Variants in HSPA4L observed in about 807,000 individuals in gnomAD.
HSPA4L encodes the protein heat shock protein family A (Hsp70) member 4 like.
In HSPA4L, 48 loss-of-function variants were observed where a neutral mutation model predicts 100.3. That is an observed-to-expected ratio of 0.48 (90% CI 0.38 to 0.61). HSPA4L has a LOEUF of 0.61. Ranked by LOEUF, HSPA4L falls within the 20% of genes least tolerant of loss-of-function variation. The pLI is 0.00. For synonymous variants in HSPA4L, 319 were observed against 328.2 expected (o/e 0.97, Z 0.30); for missense variants, 886 against 988.6 (o/e 0.90, Z 1.39).
In HSPA4L at chr4:127,790,714, T is replaced by C. The variant is rs1732850641; in HGVS notation, c.108-3363T>C. ...CCCAAACCTATCTTTCTTAGAAAAT[T>C]TTCTGTCTCATTGAGTGCAACTAGA... On this transcript the variant is annotated intron_variant, in intron 1 of 18. Transcript: ENST00000296464. Among the ~76,000 whole-genome samples the C allele has an allele frequency of 2.6e-5, 4 of 152,232 alleles. No individual in the cohort carries two copies. The South Asian group carries it at 8.3e-4, about 31-fold the overall frequency.
chr4:127,825,362 T>A (rs1033424638), intron 16 of HSPA4L, among the ~76,000 whole-genome samples: 18 of 152,110 alleles, frequency 1.2e-4, no homozygotes, highest in African/African-American at 4.3e-4. Flanking sequence ...AGCAAGGGAT[T>A]ATATAGATGC....
rs1254763117 is a variant in HSPA4L at position 127,803,883 on chromosome 4, A to G, written c.908+10A>G. The G allele has an allele frequency of 1.9e-6, 3 of 1,611,454 alleles. No individual in the cohort carries two copies. ...CTAGTAAAATGAACAGGTACCACGT[A>G]TGTTTTTAGTTTGAAAAGTGTTTAC... On this transcript the variant is annotated intron_variant, in intron 7 of 18. Coordinates refer to ENST00000296464, the MANE Select transcript of HSPA4L (RefSeq NM_014278.4).
chr4:127,796,033 T>C, intron 3 of HSPA4L, 125 bp downstream of exon 3: 2 of 749,800 alleles, frequency 2.7e-6, no homozygotes, highest in Non-Finnish European at 4.1e-6. Flanking sequence ...GAAGAGATAG[T>C]AGTTTTTGTA....
intron 13 of HSPA4L, among the ~76,000 whole-genome samples, chr4:127,819,944 C>T (rs537981967): frequency 4.6e-5 from 7 of 151,894 alleles, no homozygotes; most frequent in Middle Eastern, 6.8e-3. Flanking sequence ...ATAAGTTTTG[C>T]GGGGGTGTGT....
At position 127,806,979 on chromosome 4, in the gene HSPA4L, C is replaced by A. The variant is rs189155524; in HGVS notation, c.1245-1017C>A. ...GCCCCAGATAATGTCAATTTTGAGG[C>A]AAGAATCATTATTCTATAAAATTTA... On this transcript the variant is annotated intron_variant, in intron 10 of 18. Coordinates refer to ENST00000296464, the MANE Select transcript of HSPA4L (RefSeq NM_014278.4). Among the ~76,000 whole-genome samples the A allele has an allele frequency of 3.3e-5, 5 of 151,656 alleles. No individual in the cohort carries two copies. In the East Asian group the frequency reaches 9.6e-4, roughly 29 times the overall value.
intron 18 of HSPA4L, among the ~76,000 whole-genome samples, chr4:127,832,417 T>A (rs2148802414): frequency 6.6e-6 from 1 of 152,284 alleles, no homozygotes; most frequent in Non-Finnish European, 1.5e-5. Flanking sequence ...TAAACTGTAT[T>A]TGATTATAAA....
At chr4:127,795,711 G>T in intron 2 of HSPA4L, 57 bp from the exon 3 acceptor site, 1 of 1,566,810 alleles carries the variant, frequency 6.4e-7, no homozygotes, top group East Asian at 2.3e-5. Flanking sequence ...TACTAGGATA[G>T]AATTTTATTT....
chr4:127,781,838 G>T (rs916177542), upstream of HSPA4L: 17 of 268,686 alleles, frequency 6.3e-5, no homozygotes, highest in Non-Finnish European at 1.1e-4. Context: ...CCTCGGGGAG[G>T]CGAGGCCTGC....
At chr4:127,827,662 A>T (rs1171793741) in intron 17 of HSPA4L, among the ~76,000 whole-genome samples, 1 of 152,126 alleles carries the variant, frequency 6.6e-6, no homozygotes, top group African/African-American at 2.4e-5. Context: ...CTGAAACTAC[A>T]TTATAAAATA....
intron 17 of HSPA4L, among the ~76,000 whole-genome samples, 196 bp from the exon 18 acceptor site, chr4:127,830,442 C>CT (rs1028827624): frequency 1.3e-5 from 2 of 152,198 alleles, no homozygotes; most frequent in Admixed American, 6.5e-5. Flanking sequence ...AGAGCCTTTC[C>CT]TTTTTAAACT....
At position 127,811,554 on chromosome 4, in the gene HSPA4L, A is replaced by T; in HGVS notation, c.1496A>T (p.Glu499Val). The stretch of plus-strand genomic sequence containing the variant: ...AGTGTGGCTAGCGCATCAGTAATTG[A>T]GAAGCAAAATTTGGAAGGCGATCAC... ...IFSVASASVI[E>V]KQNLEGDHSD... Residue 499 changes from glutamate to valine, a missense_variant, in exon 12 of 19, where the codon GAG becomes GTG. Physicochemically the swap from Glu to Val is moderately radical, Grantham distance 121. Transcript: ENST00000296464. 13 of 1,614,048 alleles carry T rather than the reference A, an allele frequency of 8.1e-6. No individual in the cohort carries two copies. The highest frequency in any genetic ancestry group is 1.1e-5 in the Non-Finnish European group (13 of 1,179,974).
chr4:127,808,676 T>A (rs1448610198), intron 11 of HSPA4L, among the ~76,000 whole-genome samples: 2 of 152,150 alleles, frequency 1.3e-5, no homozygotes, highest in East Asian at 3.9e-4. Flanking sequence ...GGTTCTTCCA[T>A]CCTCAGAGAG....
At chr4:127,783,371 T>C (rs1017917702) in intron 1 of HSPA4L, among the ~76,000 whole-genome samples, 1 of 151,292 alleles carries the variant, frequency 6.6e-6, no homozygotes, top group Non-Finnish European at 1.5e-5. Flanking sequence ...TGCGGCGGGG[T>C]TGGGTCGGAC....
intron 3 of HSPA4L, among the ~76,000 whole-genome samples, chr4:127,797,119 A>G (rs923726314): frequency 6.6e-6 from 1 of 152,122 alleles, no homozygotes; most frequent in Admixed American, 6.5e-5. Context: ...GGAAGACACC[A>G]TGAGAAGTTG....
chr4:127,809,071 G>A (rs932072110), intron 11 of HSPA4L: 25 of 562,086 alleles, frequency 4.4e-5, no homozygotes, highest in Non-Finnish European at 7.4e-5. Flanking sequence ...TGAAGGTGAG[G>A]GCGATTGGAA....
At chr4:127,807,803 CATT>C (rs2148788725) in intron 10 of HSPA4L, among the ~76,000 whole-genome samples, 190 bp from the exon 11 acceptor site, 1 of 152,146 alleles carries the variant, frequency 6.6e-6, no homozygotes, top group East Asian at 1.9e-4. Context: ...TTATGATAGA[CATT>C]ATGAAAACTT....
chr4:127,797,470 T>C lies in HSPA4L; in HGVS notation c.307-1117T>C, dbSNP rs114059865. Among the ~76,000 whole-genome samples, 853 of 152,260 alleles carry C rather than the reference T, an allele frequency of 5.6e-3. 3 individuals are homozygous for C. The highest frequency in any genetic ancestry group is 7.5e-3 in the Admixed American group (114 of 15,300). ...TTTATACATTCATAGTAAGTGCCTG[T>C]AAGCTAGTAGAAAAAGCTTTGAAAC... On this transcript the variant is annotated intron_variant, in intron 3 of 18. Coordinates refer to ENST00000296464, the MANE Select transcript of HSPA4L (RefSeq NM_014278.4).
intron 14 of HSPA4L, among the ~76,000 whole-genome samples, chr4:127,821,294 T>C (rs1733807222): frequency 6.6e-6 from 1 of 152,126 alleles, no homozygotes; most frequent in South Asian, 2.1e-4. Flanking sequence ...AGAAAAATTT[T>C]CCCAAAGGAA....
intron 3 of HSPA4L, among the ~76,000 whole-genome samples, chr4:127,796,564 A>T (rs1231151917): frequency 6.6e-6 from 1 of 152,178 alleles, no homozygotes; most frequent in African/African-American, 2.4e-5. Context: ...TGGAAACGAT[A>T]CAAGTTTCTA....
Sources: gnomAD v4.1 joint callset for allele counts (sites outside exome capture counted in the v4.1 genomes callset) on GRCh38, gnomAD v4.1.1 for gene constraint, MANE v1.5 for transcripts, NCBI Gene and HGNC (gene_info 2026-07-23, HGNC 2026-07-21) for gene names.